PSMG3: variants seen among roughly 807,000 people sequenced by gnomAD.
PSMG3 encodes PAC-3.
A neutral mutation model predicts 7.9 loss-of-function variants in PSMG3; 4 were observed. That is an observed-to-expected ratio of 0.51 (90% CI 0.25 to 1.16). PSMG3 has a LOEUF of 1.16. Ranked by LOEUF, PSMG3 falls within the 50% of genes most tolerant of loss-of-function variation. The probability of loss-of-function intolerance (pLI) is 0.15; values close to 1 mark genes in which losing one functional copy is unlikely to be tolerated. For missense variants in PSMG3, 151 were observed against 157.4 expected (o/e 0.96, Z 0.22); for synonymous variants, 81 against 69.8 (o/e 1.16, Z -0.80).
intron 1 of PSMG3, among the ~76,000 whole-genome samples, chr7:1,568,357 A>AG (rs1401092329): frequency 6.6e-6 from 1 of 152,090 alleles, no homozygotes; most frequent in Non-Finnish European, 1.5e-5. Flanking sequence ...CTATCGCTGT[A>AG]GGGGTATTTG....
Position 1,569,605 on chromosome 7 carries a change from CAAAAA to C in PSMG3, c.-271_-267del, listed in dbSNP as rs60165118. 5.2e-4 allele frequency: 53 copies of C among 102,094 alleles called. No homozygotes were observed. The highest frequency in any genetic ancestry group is 3.0e-3 in the South Asian group (12 of 3,992). The allele number at this position is 102,094 out of a possible 1,614,324, so 6.3% of individuals were successfully genotyped here. A position where few individuals can be genotyped will look rare whatever the true frequency, so the allele number is the denominator to read the frequency against. ...AACATAGCGAGACCCCCATCTCTAC[CAAAAA>C]AAAAAAAAAAAAAAACCAGCAGGGC... On this transcript the variant is annotated 5_prime_UTR_variant, in exon 1 of 2. It introduces an in-frame stop codon into an upstream open reading frame of the 5' UTR. Transcript: ENST00000288607.
At position 1,569,470 on chromosome 7, in the gene PSMG3, C is replaced by T. The variant is rs560774231; in HGVS notation, c.-131G>A. On this transcript the variant is annotated 5_prime_UTR_variant, in exon 1 of 2. Coordinates refer to ENST00000288607, the MANE Select transcript of PSMG3 (RefSeq NM_032302.4). ...GCATTGAAACGGAAACGCAAGGAGGCCCATTCAAAAGAAGGGGCCAGGCGC... is the reference window on the plus strand; with the variant it reads ...GCATTGAAACGGAAACGCAAGGAGGTCCATTCAAAAGAAGGGGCCAGGCGC... 10 of 768,392 alleles carry T rather than the reference C, an allele frequency of 1.3e-5. No individual in the cohort carries two copies. Among genetic ancestry groups the T allele is most frequent in the Non-Finnish European group, 2.0e-5 (10 of 491,970 alleles). 47.6% of individuals were successfully genotyped at this position (768,392 alleles called of 1,614,324 possible). A position where few individuals can be genotyped will look rare whatever the true frequency, so the allele number is the denominator to read the frequency against.
chr7:1,568,911 G>C (rs929366509), intron 1 of PSMG3, among the ~76,000 whole-genome samples: 3 of 152,274 alleles, frequency 2.0e-5, no homozygotes, highest in Admixed American at 1.3e-4. Context: ...GCCTCCCAAA[G>C]TGCTGGGATT....
At position 1,569,442 on chromosome 7, in the gene PSMG3, G is replaced by C. The variant is rs1236310863; in HGVS notation, c.-103C>G. 1.0e-6 allele frequency: 1 copy of C among 980,666 alleles called. No individual in the cohort carries two copies. Among genetic ancestry groups the C allele is most frequent in the African/African-American group, 1.6e-5 (1 of 60,942 alleles). 60.7% of individuals were successfully genotyped at this position (980,666 alleles called of 1,614,324 possible). ...CTTGGGGCTCCCAAAAAAGTAGCAC[G>C]GGGCATTGAAACGGAAACGCAAGGA... On this transcript the variant is annotated 5_prime_UTR_variant, in exon 1 of 2. Transcript: ENST00000288607.
chr7:1,569,539 AGGAC>A lies in PSMG3; in HGVS notation c.-204_-201del. ...TCCCGGCACTTTGGGAGGCCGAGACAGGACGATCGTTGAGGCCAGGAATTCGAGA... is the reference window on the plus strand; with the variant it reads ...TCCCGGCACTTTGGGAGGCCGAGACAGATCGTTGAGGCCAGGAATTCGAGA... On this transcript the variant is annotated 5_prime_UTR_variant, in exon 1 of 2. An upstream open reading frame in the 5' UTR loses its in-frame stop. Coordinates refer to ENST00000288607, the MANE Select transcript of PSMG3 (RefSeq NM_032302.4). 2.1e-6 allele frequency: 1 copy of A among 472,074 alleles called. No individual in the cohort carries two copies. The allele number at this position is 472,074 out of a possible 1,614,324, so 29.2% of individuals were successfully genotyped here. A position where few individuals can be genotyped will look rare whatever the true frequency, so the allele number is the denominator to read the frequency against.
Position 1,569,468 on chromosome 7 carries a change from G to C in PSMG3, c.-129C>G, listed in dbSNP as rs184095081. The C allele has an allele frequency of 3.6e-3, 2,809 of 776,848 alleles. 41 individuals are homozygous for C. Among genetic ancestry groups the C allele is most frequent in the Admixed American group, 0.028 (955 of 33,950 alleles). 48.1% of individuals were successfully genotyped at this position (776,848 alleles called of 1,614,324 possible). On this transcript the variant is annotated 5_prime_UTR_variant, in exon 1 of 2. Coordinates refer to ENST00000288607, the MANE Select transcript of PSMG3 (RefSeq NM_032302.4). ...GGGCATTGAAACGGAAACGCAAGGA[G>C]GCCCATTCAAAAGAAGGGGCCAGGC...
rs556213811 is a variant in PSMG3 at position 1,568,077 on chromosome 7, G to A, written c.217-227C>T. 1.1e-4 allele frequency among the ~76,000 whole-genome samples: 16 copies of A among 152,052 alleles called. No individual in the cohort carries two copies. The South Asian group carries it at 2.5e-3, about 24-fold the overall frequency. On this transcript the variant is annotated intron_variant, in intron 1 of 1. Coordinates refer to ENST00000288607, the MANE Select transcript of PSMG3 (RefSeq NM_032302.4). ...TCCATTCATTTTCCCAGCGCCTTCC[G>A]CAGCCCCGCCTCTTCTGGCTCTCTC...
chr7:1,568,776 T>C (rs1030103639), intron 1 of PSMG3, among the ~76,000 whole-genome samples: 2 of 152,114 alleles, frequency 1.3e-5, no homozygotes, highest in Non-Finnish European at 2.9e-5. Flanking sequence ...GCCTCCTGAG[T>C]AGCTGAGATT....
Position 1,567,591 on chromosome 7 carries a change from G to A in PSMG3, c.*107C>T. 8.6e-7 allele frequency: 1 copy of A among 1,162,262 alleles called. No individual in the cohort carries two copies. Among genetic ancestry groups the A allele is most frequent in the Non-Finnish European group, 1.2e-6 (1 of 825,022 alleles). 72.0% of individuals were successfully genotyped at this position (1,162,262 alleles called of 1,614,324 possible). ...TTTTTTCCTGGCTCCAAGGGCTAGT[G>A]CCAAAGTTCCTCCCTCCACCGGGGA... On this transcript the variant is annotated 3_prime_UTR_variant, in exon 2 of 2. Coordinates refer to ENST00000288607, the MANE Select transcript of PSMG3 (RefSeq NM_032302.4).
chr7:1,569,714 G>C lies in PSMG3; in HGVS notation c.-375C>G, dbSNP rs1778851588. 5.0e-6 allele frequency: 1 copy of C among 199,966 alleles called. No individual in the cohort carries two copies. Among genetic ancestry groups the C allele is most frequent in the Non-Finnish European group, 1.0e-5 (1 of 96,392 alleles). 12.4% of individuals were successfully genotyped at this position (199,966 alleles called of 1,614,324 possible). A position where few individuals can be genotyped will look rare whatever the true frequency, so the allele number is the denominator to read the frequency against. On this transcript the variant is annotated 5_prime_UTR_variant, in exon 1 of 2. Coordinates refer to ENST00000288607, the MANE Select transcript of PSMG3 (RefSeq NM_032302.4). ...CGGGAGGTCGAGGCTGCGGTGAGCC[G>C]TGATCACACCATTGCATTACAACCC... is the stretch of plus-strand genomic sequence containing the variant.
intron 1 of PSMG3, among the ~76,000 whole-genome samples, chr7:1,568,283 G>C (rs1237869387): frequency 6.6e-6 from 1 of 151,868 alleles, no homozygotes; most frequent in African/African-American, 2.4e-5. Context: ...ATGCCTGCGG[G>C]CTGGACAAAG....
intron 1 of PSMG3, among the ~76,000 whole-genome samples, chr7:1,568,730 C>G (rs889749057): frequency 6.6e-6 from 1 of 152,160 alleles, no homozygotes; most frequent in Admixed American, 6.5e-5. Context: ...TCACTGCAAC[C>G]TCCGCCTCTC....
At chr7:1,568,461 T>G (rs1778814821) in intron 1 of PSMG3, among the ~76,000 whole-genome samples, 1 of 150,762 alleles carries the variant, frequency 6.6e-6, no homozygotes, top group South Asian at 2.1e-4. Flanking sequence ...ACTTTATTAT[T>G]ATTATTATTA....
At chr7:1,568,371 G>A (rs1477681828) in intron 1 of PSMG3, among the ~76,000 whole-genome samples, 1 of 151,976 alleles carries the variant, frequency 6.6e-6, no homozygotes, top group Non-Finnish European at 1.5e-5. Flanking sequence ...GTATTTGTCC[G>A]CCAGATGCCC....
chr7:1,569,211 G>A lies in PSMG3; in HGVS notation c.129C>T (p.Gly43=). 1 of 1,613,686 alleles carries A rather than the reference G, an allele frequency of 6.2e-7. No homozygotes were observed. Among genetic ancestry groups the A allele is most frequent in the Non-Finnish European group, 8.5e-7 (1 of 1,180,022 alleles). The change falls in exon 1 of 2, where the codon GGC becomes GGT. Residue 43 remains glycine, a synonymous_variant. Coordinates refer to ENST00000288607, the MANE Select transcript of PSMG3 (RefSeq NM_032302.4). ...TGCTGGGCTCCAGGGAGACCAGGGT[G>A]CCCATCTTCCCAAACTGGGTCACCA... ...LVVVTQFGKM[G]TLVSLEPSSV...
rs1778805569 is a variant in PSMG3, at chr7:1,567,925, C to T, written c.217-75G>A. 2.8e-6 allele frequency: 4 copies of T among 1,452,148 alleles called. No homozygotes were observed. In the South Asian group the frequency reaches 5.2e-5, roughly 19 times the overall value. 90.0% of individuals were successfully genotyped at this position (1,452,148 alleles called of 1,614,324 possible). A position where few individuals can be genotyped will look rare whatever the true frequency, so the allele number is the denominator to read the frequency against. On this transcript the variant is annotated intron_variant, in intron 1 of 1. Transcript: ENST00000288607. ...TTTCCTCAATGCTTTCATGAAGTAT[C>T]CCTTAGGAACCCAGGCAGGCTTCCC...
At chr7:1,569,082 G>A (rs1778827689) in intron 1 of PSMG3, 42 bp downstream of exon 1, 22 of 1,576,108 alleles carry the variant, frequency 1.4e-5, no homozygotes, top group Non-Finnish European at 1.9e-5. Flanking sequence ...AAAGTGCTAG[G>A]GTTACAGGCG....
chr7:1,569,053 C>A, intron 1 of PSMG3, 71 bp downstream of exon 1: 1 of 1,375,328 alleles, frequency 7.3e-7, no homozygotes, highest in Non-Finnish European at 1.0e-6. Context: ...CTCAAGCGAT[C>A]TGCCCGCCTA....
In PSMG3 at chr7:1,567,809, C is replaced by T. The variant is rs758576479; in HGVS notation, c.258G>A (p.Val86=). ...HVFAKNLVAF[V]SQEAGNRAVL... is the part of the protein sequence containing the mutation. ...CTGCTCTGTTTCCAGCTTCTTGAGACACAAACGCTACCAGGTTCTTTGCAA... is the reference window on the plus strand; with the variant it reads ...CTGCTCTGTTTCCAGCTTCTTGAGATACAAACGCTACCAGGTTCTTTGCAA... Residue 86 remains valine, a synonymous_variant, in exon 2 of 2, where the codon GTG becomes GTA. Transcript: ENST00000288607. The T allele has an allele frequency of 1.5e-5, 24 of 1,614,052 alleles. No homozygotes were observed. The highest frequency in any genetic ancestry group is 2.2e-5 in the East Asian group (1 of 44,898).
Sources: gnomAD v4.1 joint callset for allele counts (sites outside exome capture counted in the v4.1 genomes callset) on GRCh38, gnomAD v4.1.1 for gene constraint, MANE v1.5 for transcripts, NCBI Gene and HGNC (gene_info 2026-07-23, HGNC 2026-07-21) for gene names.